Variants in CREB3L3 observed in about 807,000 individuals in gnomAD.
CREB3L3 encodes cyclic AMP-responsive element-binding protein 3-like protein 3.
Under a neutral mutation model 44.6 loss-of-function variants are expected in CREB3L3, and 40 were observed. The observed-to-expected ratio is 0.90, with a 90% CI of 0.70 to 1.17. The LOEUF is 1.17. Among genes scored for constraint, CREB3L3 ranks in the 50% most tolerant of loss-of-function variants. CREB3L3 has a pLI of 0.00. For synonymous variants in CREB3L3, 273 were observed against 256.3 expected (o/e 1.06, Z -0.62); for missense variants, 578 against 595.8 (o/e 0.97, Z 0.31).
rs1303790616 is a variant in CREB3L3, at chr19:4,154,572, C to G, written c.28-327C>G. Among the ~76,000 whole-genome samples, 6 of 151,998 alleles carry G rather than the reference C, an allele frequency of 3.9e-5. No homozygotes were observed. The South Asian group carries it at 1.2e-3, about 32-fold the overall frequency. ...TTATTTGCAGTAGGGATAGGGGTCT[C>G]TATGTTGCGCAGGCTGGTCTTGAAC... On this transcript the variant is annotated intron_variant, in intron 1 of 9. Coordinates refer to ENST00000078445, the MANE Select transcript of CREB3L3 (RefSeq NM_032607.3).
At chr19:4,164,728 G>A in intron 5 of CREB3L3, 88 bp downstream of exon 5, 2 of 1,448,096 alleles carry the variant, frequency 1.4e-6, no homozygotes, top group Non-Finnish European at 1.9e-6. Context: ...TATTTATTTA[G>A]AGTAGAGTCT....
chr19:4,162,699 A>G (rs1342552225), intron 4 of CREB3L3, among the ~76,000 whole-genome samples: 1 of 151,348 alleles, frequency 6.6e-6, no homozygotes, highest in African/African-American at 2.4e-5. Flanking sequence ...AGAAGAAAAG[A>G]TGGGTGTGGT....
intron 4 of CREB3L3, among the ~76,000 whole-genome samples, chr19:4,163,147 A>G: frequency 6.6e-6 from 1 of 151,844 alleles, no homozygotes; most frequent in Non-Finnish European, 1.5e-5. Flanking sequence ...CTCTACTAAA[A>G]ATAACAAAAA....
intron 2 of CREB3L3, among the ~76,000 whole-genome samples, 194 bp downstream of exon 2, chr19:4,155,221 G>C (rs541672586): frequency 3.0e-4 from 46 of 152,270 alleles, no homozygotes; most frequent in Non-Finnish European, 5.1e-4. Flanking sequence ...TTACAGGTGG[G>C]GAATGGAGGC....
intron 5 of CREB3L3, among the ~76,000 whole-genome samples, chr19:4,167,997 AT>A (rs1284446516): frequency 6.7e-6 from 1 of 150,050 alleles, no homozygotes; most frequent in African/African-American, 2.5e-5. Flanking sequence ...TTATTTATTT[AT>A]TTATCTATTT....
At chr19:4,158,053 G>T (rs551444524) in intron 3 of CREB3L3, among the ~76,000 whole-genome samples, 1 of 152,220 alleles carries the variant, frequency 6.6e-6, no homozygotes, top group Admixed American at 6.6e-5. Flanking sequence ...CCTAGACGTG[G>T]GGAACAGCAG....
intron 2 of CREB3L3, 123 bp downstream of exon 2, chr19:4,155,150 A>G (rs912652372): frequency 1.6e-6 from 2 of 1,226,322 alleles, no homozygotes; most frequent in Non-Finnish European, 2.3e-6. Flanking sequence ...CGATGCACTA[A>G]TGGGTCACGG....
At chr19:4,168,825 G>A (rs1437211259) in intron 6 of CREB3L3, among the ~76,000 whole-genome samples, 1 of 152,034 alleles carries the variant, frequency 6.6e-6, no homozygotes, top group African/African-American at 2.4e-5. Context: ...TCCACCTCCC[G>A]GGTTCAAGCG....
intron 3 of CREB3L3, among the ~76,000 whole-genome samples, chr19:4,158,326 C>CT (rs2041613002): frequency 6.6e-6 from 1 of 151,280 alleles, no homozygotes; most frequent in South Asian, 2.1e-4. Context: ...GGTGAAACCC[C>CT]ATCTCTACTA....
intron 3 of CREB3L3, 25 bp from the exon 4 acceptor site, chr19:4,159,639 C>G (rs766271482): frequency 6.4e-6 from 7 of 1,086,832 alleles, no homozygotes; most frequent in Non-Finnish European, 1.0e-5. Flanking sequence ...CTCTCCCTGT[C>G]TCCGTCCCCA....
At chr19:4,168,029 G>A (rs1187845321) in intron 5 of CREB3L3, among the ~76,000 whole-genome samples, 6 of 142,336 alleles carry the variant, frequency 4.2e-5, no homozygotes, top group Non-Finnish European at 7.6e-5. Flanking sequence ...ATGGAGTTTC[G>A]CTCTTGTTGC....
chr19:4,170,439 G>A (rs925541221), intron 7 of CREB3L3, among the ~76,000 whole-genome samples: 13 of 151,912 alleles, frequency 8.6e-5, no homozygotes, highest in African/African-American at 2.4e-4. Flanking sequence ...GTGAAACCCC[G>A]TCTCTACTAA....
chr19:4,171,106 A>G lies in CREB3L3; in HGVS notation c.906A>G (p.Gln302=), dbSNP rs773012544. ...TCTCTCTAAGGTCCCTCTTGGAGCA[A>G]CTGAAGAAACTCCAGGCCATTGTGG... is the stretch of plus-strand genomic sequence containing the variant. ...LEKQNLSLLE[Q]LKKLQAIVVQ... Residue 302 remains glutamine, a synonymous_variant, in exon 8 of 10, where the codon CAA becomes CAG. Transcript: ENST00000078445. The surrounding 1 kb of genome is among the most constrained non-coding windows in gnomAD (Gnocchi z 4.9). 5.6e-6 allele frequency: 9 copies of G among 1,614,072 alleles called. No homozygotes were observed.
In CREB3L3 at chr19:4,159,741, A is replaced by G. The variant is rs2041634289; in HGVS notation, c.535A>G (p.Thr179Ala). Residue 179 changes from threonine (T) to alanine (A), a missense_variant, in exon 4 of 10, where the codon ACC (threonine) becomes GCC (alanine). Physicochemically the swap from Thr to Ala is moderately conservative, Grantham distance 58 (BLOSUM62 0). Transcript: ENST00000078445. ...PVDLSPRCNL[T>A]VKDLLLSGSS... is the part of the protein sequence containing the mutation. ...GGACCTGTCCCCACGATGCAATCTC[A>G]CCGTGAAAGACCTCCTCCTTTCGGG... 1 of 1,572,280 alleles carries G rather than the reference A, an allele frequency of 6.4e-7. No individual in the cohort carries two copies. Among genetic ancestry groups the G allele is most frequent in the African/African-American group, 1.3e-5 (1 of 74,196 alleles).
chr19:4,171,745 G>T lies in CREB3L3; in HGVS notation c.1162G>T (p.Ala388Ser), dbSNP rs1312217571. The T allele has an allele frequency of 6.2e-7, 1 of 1,613,182 alleles. No homozygotes were observed. The highest frequency in any genetic ancestry group is 2.2e-5 in the East Asian group (1 of 44,890). The change falls in exon 10 of 10, where the codon GCT (alanine) becomes TCT (serine). Residue 388 changes from alanine to serine, a missense_variant. Coordinates refer to ENST00000078445, the MANE Select transcript of CREB3L3 (RefSeq NM_032607.3). This position sits in a 1 kb window ranked among gnomAD's most constrained non-coding sequence, Gnocchi z 4.9. ...GSEAPGPRPE[A>S]DTTREESPGS... The stretch of plus-strand genomic sequence containing the variant: ...CGAGGCCCCAGGACCCCGACCCGAG[G>T]CTGACACAACCCGAGAAGAGTCTCC...
At chr19:4,155,751 CT>C (rs34277649) in intron 2 of CREB3L3, among the ~76,000 whole-genome samples, 39 of 136,208 alleles carry the variant, frequency 2.9e-4, no homozygotes, top group Non-Finnish European at 4.2e-4. Context: ...CTTTTACTCT[CT>C]TTTTTTTTTT....
intron 7 of CREB3L3, among the ~76,000 whole-genome samples, chr19:4,170,859 T>G (rs350848): frequency 6.6e-6 from 1 of 151,762 alleles, no homozygotes; most frequent in African/African-American, 2.4e-5. Context: ...TGCAGTGAGC[T>G]GCCATCCCAC....
In CREB3L3 at chr19:4,158,055, G is replaced by T. The variant is rs78363249; in HGVS notation, c.457+760G>T. Among the ~76,000 whole-genome samples, 718 of 152,244 alleles carry T rather than the reference G, an allele frequency of 4.7e-3. 6 individuals carry two copies. Among genetic ancestry groups the T allele is most frequent in the African/African-American group, 0.016 (682 of 41,554 alleles). ...CCAGGGTGCTCCTCCTAGACGTGGG[G>T]AACAGCAGATCAGTAATGATTTACT... On this transcript the variant is annotated intron_variant, in intron 3 of 9. Transcript: ENST00000078445.
rs772368818 is a variant in CREB3L3 at position 4,168,361 on chromosome 19, G to C, written c.725G>C (p.Arg242Pro). 44 of 1,609,510 alleles carry C rather than the reference G, an allele frequency of 2.7e-5. No homozygotes were observed. Among genetic ancestry groups the C allele is most frequent in the Non-Finnish European group, 3.7e-5 (44 of 1,177,284 alleles). The change falls in exon 6 of 10, where the codon CGA (arginine) becomes CCA (proline). Residue 242 changes from arginine (R) to proline (P), a missense_variant. By Grantham distance (103) the Arg-to-Pro change is moderately radical. Coordinates refer to ENST00000078445, the MANE Select transcript of CREB3L3 (RefSeq NM_032607.3). ...TQLPLTKYEERVLKKIRRKIR... is the reference protein window; with the variant it reads ...TQLPLTKYEEPVLKKIRRKIR... Reference sequence around the variant, plus strand: ...CATTTCACTTGGCAGTACGAGGAGCGAGTGCTGAAAAAAATCCGCCGGAAA... The same window carrying C: ...CATTTCACTTGGCAGTACGAGGAGCCAGTGCTGAAAAAAATCCGCCGGAAA...
Sources: allele counts gnomAD v4.1 joint callset (sites outside exome capture counted in the v4.1 genomes callset), GRCh38; gene constraint gnomAD v4.1.1; non-coding constraint Gnocchi (gnomAD v3.1); transcripts MANE v1.5; gene names NCBI Gene and HGNC (gene_info 2026-07-23, HGNC 2026-07-21).